Variants in BCAR3 observed in about 807,000 individuals in gnomAD.
The protein encoded by BCAR3 is BCAR3 adaptor protein, NSP family member.
In BCAR3, 37 loss-of-function variants were observed where a neutral mutation model predicts 80.1. That is an observed-to-expected ratio of 0.46 (90% confidence interval 0.36 to 0.61). BCAR3 has a LOEUF of 0.61. Among genes scored for constraint, BCAR3 ranks in the 20% least tolerant of loss-of-function variants. The pLI is 0.00. For synonymous variants in BCAR3, 389 were observed against 418.9 expected, an observed-to-expected ratio of 0.93 and a Z score of 0.87; for missense variants, 978 against 1,068.2, an observed-to-expected ratio of 0.92 and a Z score of 1.18.
intron 2 of BCAR3, among the ~76,000 whole-genome samples, chr1:93,760,322 T>A (rs1651891421): frequency 6.6e-6 from 1 of 152,140 alleles, no homozygotes; most frequent in Admixed American, 6.5e-5. Context: ...TTCATGATTT[T>A]CAGTGGGGAC....
chr1:93,625,651 C>T (rs1336566877), intron 3 of BCAR3, among the ~76,000 whole-genome samples: 1 of 152,198 alleles, frequency 6.6e-6, no homozygotes, highest in Non-Finnish European at 1.5e-5. Context: ...TTCCTGCAGC[C>T]TGGACACTGA....
chr1:93,609,655 T>C (rs912052460), intron 3 of BCAR3, among the ~76,000 whole-genome samples: 1 of 152,104 alleles, frequency 6.6e-6, no homozygotes, highest in African/African-American at 2.4e-5. Context: ...ATGTGACCCA[T>C]TGTGCTTTTT....
intron 9 of BCAR3, among the ~76,000 whole-genome samples, chr1:93,569,228 C>A (rs1363965373): frequency 1.3e-5 from 2 of 152,166 alleles, no homozygotes; most frequent in Non-Finnish European, 2.9e-5. Flanking sequence ...CTTCACAATG[C>A]CCTTTAAGAC....
chr1:93,838,623 T>A (rs1654850660), intron 2 of BCAR3, among the ~76,000 whole-genome samples: 2 of 152,196 alleles, frequency 1.3e-5, no homozygotes, highest in Non-Finnish European at 2.9e-5. Context: ...CCCTTTCTAG[T>A]CATTTATAGT....
chr1:93,712,732 A>G (rs1457507323), intron 2 of BCAR3, among the ~76,000 whole-genome samples: 1 of 152,186 alleles, frequency 6.6e-6, no homozygotes, highest in Non-Finnish European at 1.5e-5. Flanking sequence ...AGGAACCATT[A>G]TCACCACTAT....
intron 3 of BCAR3, among the ~76,000 whole-genome samples, chr1:93,705,786 TA>T (rs953722057): frequency 1.3e-5 from 2 of 152,176 alleles, no homozygotes; most frequent in African/African-American, 4.8e-5. Context: ...TAGAATGAAT[TA>T]AATGTCAGAC....
At chr1:93,812,291 G>A (rs11165005) in intron 2 of BCAR3, among the ~76,000 whole-genome samples, 2 of 151,800 alleles carry the variant, frequency 1.3e-5, no homozygotes, top group African/African-American at 4.8e-5. Flanking sequence ...TCCGTCCCAG[G>A]AAGCCCACCG....
intron 3 of BCAR3, among the ~76,000 whole-genome samples, chr1:93,616,021 TC>T (rs1352424176): frequency 1.3e-5 from 2 of 152,172 alleles, no homozygotes; most frequent in African/African-American, 4.8e-5. Context: ...TGAAATGCAT[TC>T]CTGAAAGTAA....
At chr1:93,845,531 A>T in intron 2 of BCAR3, 1 of 123,526 alleles carries the variant, frequency 8.1e-6, no homozygotes, top group Non-Finnish European at 1.7e-5. Context: ...AGTATAATTA[A>T]ATAGGCCTGG....
intron 5 of BCAR3, among the ~76,000 whole-genome samples, chr1:93,587,790 CTG>C (rs1260645615): frequency 6.6e-6 from 1 of 151,838 alleles, no homozygotes; most frequent in African/African-American, 2.4e-5. Flanking sequence ...TGCTGTGTGA[CTG>C]AGGGGCTGGA....
At chr1:93,676,492 C>T (rs12095390) in intron 1 of BCAR3, among the ~76,000 whole-genome samples, 45,162 of 151,882 alleles carry the variant, frequency 0.3, 10,107 homozygotes, top group African/African-American at 0.64. Flanking sequence ...ATTCTGGGGG[C>T]TGCCTGCTCC....
chr1:93,663,450 T>C (rs1647754657), intron 2 of BCAR3, among the ~76,000 whole-genome samples: 1 of 152,098 alleles, frequency 6.6e-6, no homozygotes, highest in Admixed American at 6.6e-5. Context: ...AAGTGCCACC[T>C]GCAGTCAGCA....
At chr1:93,776,371 C>A (rs3886289) in intron 2 of BCAR3, among the ~76,000 whole-genome samples, 1 of 152,010 alleles carries the variant, frequency 6.6e-6, no homozygotes, top group South Asian at 2.1e-4. Context: ...TTCCCACCCC[C>A]AAACATGCCA....
At chr1:93,667,404 G>A (rs188169174) in intron 2 of BCAR3, among the ~76,000 whole-genome samples, 11 of 152,332 alleles carry the variant, frequency 7.2e-5, no homozygotes, top group African/African-American at 2.2e-4. Flanking sequence ...AGCACTTCTC[G>A]GATGGGTTAT....
At chr1:93,721,246 G>C (rs1650391600) in intron 2 of BCAR3, among the ~76,000 whole-genome samples, 1 of 152,154 alleles carries the variant, frequency 6.6e-6, no homozygotes. Flanking sequence ...GCAGACTGGA[G>C]CCCAGGGCCC....
chr1:93,645,085 C>T (rs1365022250), intron 2 of BCAR3, among the ~76,000 whole-genome samples: 1 of 152,152 alleles, frequency 6.6e-6, no homozygotes, highest in Non-Finnish European at 1.5e-5. Flanking sequence ...ATTTGCTCCT[C>T]CCAGCCAAAA....
At chr1:93,767,459 G>T (rs1652194608) in intron 2 of BCAR3, among the ~76,000 whole-genome samples, 1 of 151,712 alleles carries the variant, frequency 6.6e-6, no homozygotes, top group African/African-American at 2.4e-5. Context: ...GGGAAGTTGA[G>T]GCTGCAGTGA....
chr1:93,715,283 T>G (rs1245996242), intron 2 of BCAR3, among the ~76,000 whole-genome samples: 1 of 152,264 alleles, frequency 6.6e-6, no homozygotes, highest in African/African-American at 2.4e-5. Context: ...GTTAATTATC[T>G]TTTAGAAATG....
intron 2 of BCAR3, among the ~76,000 whole-genome samples, chr1:93,668,831 C>T (rs1442141870): frequency 6.6e-6 from 1 of 152,050 alleles, no homozygotes; most frequent in East Asian, 1.9e-4. Flanking sequence ...CCTGCCTCAG[C>T]CTCCCCAGTA....
Sources: allele counts gnomAD v4.1 joint callset (sites outside exome capture counted in the v4.1 genomes callset), GRCh38; gene constraint gnomAD v4.1.1; transcripts MANE v1.5; gene names NCBI Gene and HGNC (gene_info 2026-07-23, HGNC 2026-07-21).